Variants in NSUN7 observed in about 807,000 individuals in gnomAD.
NSUN7 encodes the protein protein NSUN7.
A neutral mutation model predicts 58.5 loss-of-function variants in NSUN7; 39 were observed. The observed-to-expected ratio is 0.67, with a 90% CI of 0.52 to 0.87. The LOEUF is 0.87. Among genes scored for constraint, NSUN7 ranks in the 40% least tolerant of loss-of-function variants. NSUN7 has a pLI of 0.00. For synonymous variants in NSUN7, 278 were observed against 303.7 expected (o/e 0.92, Z 0.88); for missense variants, 765 against 844.1 (o/e 0.91, Z 1.16).
intron 10 of NSUN7, among the ~76,000 whole-genome samples, chr4:40,802,350 T>A (rs1743622780): frequency 6.6e-6 from 1 of 152,146 alleles, no homozygotes; most frequent in Non-Finnish European, 1.5e-5. Context: ...TTTTTTTTGT[T>A]ACATAAACCC....
Position 40,775,802 on chromosome 4 carries a change from G to T in NSUN7, c.826-247G>T, listed in dbSNP as rs2465572. On this transcript the variant is annotated intron_variant, in intron 6 of 11. Coordinates refer to ENST00000381782, the MANE Select transcript of NSUN7 (RefSeq NM_024677.6). The surrounding 1 kb of genome is among the most constrained non-coding windows in gnomAD (Gnocchi z 4.3). ...TGTTGACCATATTTTAGAGATTCTG[G>T]CATTGCTTTATACAAAACTTAGACA... Among the ~76,000 whole-genome samples, 773 of 152,186 alleles carry T rather than the reference G, an allele frequency of 5.1e-3. 6 individuals are homozygous for T. The highest frequency in any genetic ancestry group is 0.018 in the African/African-American group (741 of 41,516).
Position 40,776,222 on chromosome 4 carries a change from T to C in NSUN7, c.999T>C (p.Pro333=). 3.1e-6 allele frequency: 5 copies of C among 1,609,486 alleles called. No individual in the cohort carries two copies. Among genetic ancestry groups the C allele is most frequent in the South Asian group, 1.1e-5 (1 of 90,342 alleles). The change falls in exon 7 of 12, where the codon CCT becomes CCC. Residue 333 remains proline, a synonymous_variant. Coordinates refer to ENST00000381782, the MANE Select transcript of NSUN7 (RefSeq NM_024677.6). ...GAGTACAATCACAAGCTAAGGATCC[T>C]GACTTGAAGACCCTTTTCACAAAAA... ...VCGVQSQAKD[P]DLKTLFTKIG...
In NSUN7 at chr4:40,809,097, G is replaced by A. The variant is rs1324939269; in HGVS notation, c.*158G>A. 17 of 783,998 alleles carry A rather than the reference G, an allele frequency of 2.2e-5. No homozygotes were observed. Among genetic ancestry groups the A allele is most frequent in the Non-Finnish European group, 3.1e-5 (16 of 517,914 alleles). 48.6% of individuals were successfully genotyped at this position (783,998 alleles called of 1,614,324 possible). A position where few individuals can be genotyped will look rare whatever the true frequency, so the allele number is the denominator to read the frequency against. Reference sequence around the variant, plus strand: ...TTACTTTCAGAGAATTCAGACAAGTGAGAAACAATAATGTAGGAGTCAGCA... The same window carrying A: ...TTACTTTCAGAGAATTCAGACAAGTAAGAAACAATAATGTAGGAGTCAGCA... On this transcript the variant is annotated 3_prime_UTR_variant, in exon 12 of 12. Transcript: ENST00000381782.
Position 40,810,632 on chromosome 4 carries a change from T to A in NSUN7, c.*1693T>A, listed in dbSNP as rs929548736. The A allele has an allele frequency of 1.3e-5, 2 of 151,494 alleles. No individual in the cohort carries two copies. The highest frequency in any genetic ancestry group is 2.9e-5 in the Non-Finnish European group (2 of 67,910). 9.4% of individuals were successfully genotyped at this position (151,494 alleles called of 1,614,324 possible). On this transcript the variant is annotated 3_prime_UTR_variant, in exon 12 of 12. Coordinates refer to ENST00000381782, the MANE Select transcript of NSUN7 (RefSeq NM_024677.6). ...AATGAAGAAAGGAAACAAGACTTTTTATAGTTGAACCAGGCTTATTGTATT... is the reference window on the plus strand; with the variant it reads ...AATGAAGAAAGGAAACAAGACTTTTAATAGTTGAACCAGGCTTATTGTATT...
intron 7 of NSUN7, 126 bp downstream of exon 7, chr4:40,776,385 C>G (rs1183020968): frequency 1.6e-6 from 1 of 616,090 alleles, no homozygotes; most frequent in Middle Eastern, 4.4e-4. Flanking sequence ...ATCTTAAAAT[C>G]CTTACTAATC....
chr4:40,770,654 A>C (rs936522368), intron 4 of NSUN7, among the ~76,000 whole-genome samples: 3 of 152,224 alleles, frequency 2.0e-5, no homozygotes, highest in Non-Finnish European at 2.9e-5. Flanking sequence ...TGAGTCAAAA[A>C]CTACATAAAT....
chr4:40,798,324 G>A (rs1743411526), intron 9 of NSUN7, among the ~76,000 whole-genome samples: 1 of 152,174 alleles, frequency 6.6e-6, no homozygotes, highest in Non-Finnish European at 1.5e-5. Flanking sequence ...AATTGCAGGT[G>A]GTAGTATTAC....
chr4:40,768,856 A>G (rs889247676), intron 4 of NSUN7, among the ~76,000 whole-genome samples: 2 of 152,108 alleles, frequency 1.3e-5, no homozygotes, highest in Non-Finnish European at 2.9e-5. Flanking sequence ...CCAATAATCT[A>G]TTTCTATTAA....
intron 7 of NSUN7, among the ~76,000 whole-genome samples, chr4:40,778,575 C>G (rs1271401566): frequency 6.6e-6 from 1 of 152,198 alleles, no homozygotes; most frequent in African/African-American, 2.4e-5. Flanking sequence ...TGTAAGAAAG[C>G]AGGCCCACAC....
intron 7 of NSUN7, among the ~76,000 whole-genome samples, chr4:40,786,973 A>G (rs1742854946): frequency 6.6e-6 from 1 of 152,102 alleles, no homozygotes; most frequent in Non-Finnish European, 1.5e-5. Flanking sequence ...AAGGATAGTA[A>G]ATTGACCAGA....
intron 4 of NSUN7, among the ~76,000 whole-genome samples, chr4:40,768,437 G>A (rs563012349): frequency 1.3e-5 from 2 of 152,014 alleles, no homozygotes; most frequent in Admixed American, 6.6e-5. Flanking sequence ...TGATCCTCCC[G>A]CCTCGGCCTC....
At chr4:40,805,552 C>A (rs184798038) in intron 10 of NSUN7, among the ~76,000 whole-genome samples, 86 of 152,338 alleles carry the variant, frequency 5.6e-4, no homozygotes, top group South Asian at 1.0e-3. Context: ...TTCGGGGTAA[C>A]TAACGTGGGA....
intron 9 of NSUN7, among the ~76,000 whole-genome samples, chr4:40,798,025 G>C (rs1216750709): frequency 6.6e-6 from 1 of 152,092 alleles, no homozygotes; most frequent in Non-Finnish European, 1.5e-5. Context: ...TCTCCATCTA[G>C]TCTACCCACA....
At position 40,810,636 on chromosome 4, in the gene NSUN7, G is replaced by T. The variant is rs1483495154; in HGVS notation, c.*1697G>T. On this transcript the variant is annotated 3_prime_UTR_variant, in exon 12 of 12. Coordinates refer to ENST00000381782, the MANE Select transcript of NSUN7 (RefSeq NM_024677.6). Reference sequence around the variant, plus strand: ...AAGAAAGGAAACAAGACTTTTTATAGTTGAACCAGGCTTATTGTATTTTAA... The same window carrying T: ...AAGAAAGGAAACAAGACTTTTTATATTTGAACCAGGCTTATTGTATTTTAA... The T allele has an allele frequency of 1.4e-5, 2 of 146,270 alleles. No homozygotes were observed. Among genetic ancestry groups the T allele is most frequent in the African/African-American group, 5.0e-5 (2 of 39,782 alleles). 9.1% of individuals were successfully genotyped at this position (146,270 alleles called of 1,614,324 possible). A position where few individuals can be genotyped will look rare whatever the true frequency, so the allele number is the denominator to read the frequency against.
intron 2 of NSUN7, among the ~76,000 whole-genome samples, chr4:40,752,945 C>T (rs1740912248): frequency 6.6e-6 from 1 of 152,136 alleles, no homozygotes; most frequent in South Asian, 2.1e-4. Context: ...TTCTTCCCCT[C>T]TCCCCTAACC....
intron 10 of NSUN7, among the ~76,000 whole-genome samples, chr4:40,800,605 G>T (rs915756241): frequency 3.3e-5 from 5 of 152,184 alleles, no homozygotes; most frequent in African/African-American, 1.2e-4. Flanking sequence ...ATCCCAAAGT[G>T]CTGGGATTAC....
chr4:40,790,037 T>C (rs1403301149), intron 7 of NSUN7, among the ~76,000 whole-genome samples: 1 of 150,150 alleles, frequency 6.7e-6, no homozygotes, highest in Non-Finnish European at 1.5e-5. Context: ...TGGAAACTTA[T>C]AAGTGCTTCT....
chr4:40,771,485 G>C (rs2154287444), intron 4 of NSUN7, among the ~76,000 whole-genome samples: 1 of 152,184 alleles, frequency 6.6e-6, no homozygotes, highest in East Asian at 1.9e-4. Flanking sequence ...ATAATTGAGA[G>C]AGAGAGAATA....
intron 2 of NSUN7, among the ~76,000 whole-genome samples, chr4:40,754,592 G>T (rs184471616): frequency 6.6e-6 from 1 of 152,294 alleles, no homozygotes; most frequent in African/African-American, 2.4e-5. Flanking sequence ...AAGGAATAAT[G>T]ATTCAGAAAA....
Sources: allele counts gnomAD v4.1 joint callset (sites outside exome capture counted in the v4.1 genomes callset), GRCh38; gene constraint gnomAD v4.1.1; non-coding constraint Gnocchi (gnomAD v3.1); transcripts MANE v1.5; gene names NCBI Gene and HGNC (gene_info 2026-07-23, HGNC 2026-07-21).